The following DAB2IP variants were observed in gnomAD, a reference collection of about 807,000 sequenced individuals.
DAB2IP encodes disabled homolog 2-interacting protein.
A neutral mutation model predicts 107.2 loss-of-function variants in DAB2IP; 28 were observed. The observed-to-expected ratio is 0.26, with a 90% CI of 0.19 to 0.36. The LOEUF (loss-of-function observed/expected upper bound fraction) is 0.36. DAB2IP is among the 10% of genes least tolerant of loss of function. The pLI is 1.00. For missense variants in DAB2IP, 1,400 were observed against 1,644.7 expected (o/e 0.85, Z 2.57); for synonymous variants, 755 against 706.4 (o/e 1.07, Z -1.09).
intron 3 of DAB2IP, among the ~76,000 whole-genome samples, chr9:121,756,506 T>G (rs977626418): frequency 1.3e-5 from 2 of 152,250 alleles, no homozygotes; most frequent in Non-Finnish European, 2.9e-5. Flanking sequence ...CCTGTGGCTT[T>G]CCCTCGTGTG....
At chr9:121,657,878 C>T (rs929446651) in intron 1 of DAB2IP, among the ~76,000 whole-genome samples, 1 of 152,168 alleles carries the variant, frequency 6.6e-6, no homozygotes, top group African/African-American at 2.4e-5. Context: ...GGCTCCAGTA[C>T]CAGGAGCCAA....
At chr9:121,720,848 G>A (rs1481037137) in intron 3 of DAB2IP, among the ~76,000 whole-genome samples, 1 of 152,172 alleles carries the variant, frequency 6.6e-6, no homozygotes, top group Non-Finnish European at 1.5e-5. Context: ...AATTGTCTGT[G>A]TCTGGGGTAA....
rs1035006959 is a variant in DAB2IP, at chr9:121,698,497, A to G, written c.229-828A>G. ...ACCTGTTAGGTGGATAAATGGCGTG[A>G]ATAAGGTTCCCCAAATCTTGAAGCT... On this transcript the variant is annotated intron_variant, in intron 2 of 15. Transcript: ENST00000408936. This position sits in a 1 kb window ranked among gnomAD's most constrained non-coding sequence, Gnocchi z 4.1. Among the ~76,000 whole-genome samples the G allele has an allele frequency of 6.6e-6, 1 of 152,204 alleles. No homozygotes were observed. The highest frequency in any genetic ancestry group is 1.5e-5 in the Non-Finnish European group (1 of 68,028).
At chr9:121,602,865 G>A (rs892199897) in intron 1 of DAB2IP, among the ~76,000 whole-genome samples, 4 of 152,224 alleles carry the variant, frequency 2.6e-5, no homozygotes, top group Admixed American at 1.3e-4. Context: ...GTGAGCCACC[G>A]CGCCTGGCCA....
chr9:121,738,199 T>C (rs1279670373), intron 3 of DAB2IP, among the ~76,000 whole-genome samples: 1 of 152,160 alleles, frequency 6.6e-6, no homozygotes, highest in Non-Finnish European at 1.5e-5. Flanking sequence ...GAACGGGCCT[T>C]GACCCTAGGC....
chr9:121,708,347 T>C (rs1830161620), intron 3 of DAB2IP, among the ~76,000 whole-genome samples: 1 of 152,210 alleles, frequency 6.6e-6, no homozygotes, highest in Non-Finnish European at 1.5e-5. Flanking sequence ...TAGCATGTCA[T>C]GTCCTTTCTC....
rs1031061324 is a variant in DAB2IP, at chr9:121,736,024, A to G, written c.363-20989A>G. Among the ~76,000 whole-genome samples, 12 of 152,130 alleles carry G rather than the reference A, an allele frequency of 7.9e-5. No homozygotes were observed. Among genetic ancestry groups the G allele is most frequent in the African/African-American group, 2.7e-4 (11 of 41,432 alleles). On this transcript the variant is annotated intron_variant, in intron 3 of 15. Transcript: ENST00000408936. The surrounding 1 kb of genome is among the most constrained non-coding windows in gnomAD (Gnocchi z 4.6). ...CTGCCGGACTAGCCGGGTGCTTTCC[A>G]GAAGAGAAAACCCGGGACTGCTGCC...
intron 14 of DAB2IP, 62 bp from the exon 15 acceptor site, chr9:121,781,402 C>T: frequency 6.5e-7 from 1 of 1,546,296 alleles, no homozygotes; most frequent in South Asian, 1.1e-5. Context: ...GGCTTGTTCT[C>T]ACACCCTCCC....
Position 121,701,149 on chromosome 9 carries a change from C to G in DAB2IP, c.362+1691C>G, listed in dbSNP as rs1829761211. Among the ~76,000 whole-genome samples, 1 of 152,214 alleles carries G rather than the reference C, an allele frequency of 6.6e-6. No individual in the cohort carries two copies. Among genetic ancestry groups the G allele is most frequent in the African/African-American group, 2.4e-5 (1 of 41,464 alleles). On this transcript the variant is annotated intron_variant, in intron 3 of 15. Coordinates refer to ENST00000408936, the Ensembl canonical transcript of DAB2IP. The surrounding 1 kb of genome is among the most constrained non-coding windows in gnomAD (Gnocchi z 4.7). ...CGTTTTGTGTGCATGTGGTGGTTGT[C>G]CGGGGAGCAGGAGAGACAACAGGCA...
At chr9:121,667,600 C>A (rs1487452836) in intron 1 of DAB2IP, among the ~76,000 whole-genome samples, 1 of 152,118 alleles carries the variant, frequency 6.6e-6, no homozygotes, top group Non-Finnish European at 1.5e-5. Context: ...AAATGATTCT[C>A]CTGCCTCAGC....
At position 121,634,139 on chromosome 9, in the gene DAB2IP, C is replaced by T. The variant is rs1217769477; in HGVS notation, c.41-44539C>T. ...AGGGACACAGTTCTTGAAGGGTCCT[C>T]CAGAGACCATGCCATGACTTGCATT... On this transcript the variant is annotated intron_variant, in intron 1 of 16. Transcript: ENST00000259371. This position sits in a 1 kb window ranked among gnomAD's most constrained non-coding sequence, Gnocchi z 4.7. 1.3e-5 allele frequency among the ~76,000 whole-genome samples: 2 copies of T among 152,152 alleles called. No homozygotes were observed. The highest frequency in any genetic ancestry group is 4.8e-5 in the African/African-American group (2 of 41,434).
upstream of DAB2IP, among the ~76,000 whole-genome samples, chr9:121,647,793 G>GTATATATACCCATATATACACA (rs1832588301): frequency 1.3e-5 from 2 of 148,986 alleles, no homozygotes; most frequent in African/African-American, 2.5e-5. Flanking sequence ...ACATATATAC[G>GTATATATACCCATATATACACA]TATATATACC....
At chr9:121,722,738 G>T (rs1414707844) in intron 3 of DAB2IP, among the ~76,000 whole-genome samples, 1 of 152,170 alleles carries the variant, frequency 6.6e-6, no homozygotes, top group African/African-American at 2.4e-5. Flanking sequence ...CTACCTGGGA[G>T]GCTGAGGCAG....
intron 2 of DAB2IP, among the ~76,000 whole-genome samples, chr9:121,696,455 A>G (rs1252269323): frequency 6.6e-6 from 1 of 152,170 alleles, no homozygotes; most frequent in East Asian, 1.9e-4. Context: ...CCCTCTTCCC[A>G]AGTTAGGGGC....
intron 6 of DAB2IP, among the ~76,000 whole-genome samples, chr9:121,762,456 T>C (rs1326084987): frequency 6.6e-6 from 1 of 152,132 alleles, no homozygotes; most frequent in African/African-American, 2.4e-5. Flanking sequence ...GAAGGGGTCC[T>C]CAGGCCACAT....
intron 2 of DAB2IP, among the ~76,000 whole-genome samples, chr9:121,680,332 A>T (rs918829281): frequency 3.3e-5 from 5 of 152,210 alleles, no homozygotes; most frequent in African/African-American, 1.2e-4. Flanking sequence ...ATTTCAGTCC[A>T]CTGGGCCAGG....
chr9:121,717,416 G>A (rs1297639616), intron 3 of DAB2IP, among the ~76,000 whole-genome samples: 2 of 152,234 alleles, frequency 1.3e-5, no homozygotes, highest in African/African-American at 4.8e-5. Context: ...CCTTTTCGGT[G>A]CAGTTTTACA....
At chr9:121,625,665 CTT>C (rs71826972) in intron 1 of DAB2IP, among the ~76,000 whole-genome samples, 4 of 141,336 alleles carry the variant, frequency 2.8e-5, no homozygotes, top group African/African-American at 5.2e-5. Context: ...GGGCTTTCTG[CTT>C]TTTTTTTTTT....
At chr9:121,739,775 A>C (rs906173332) in intron 3 of DAB2IP, among the ~76,000 whole-genome samples, 1 of 152,196 alleles carries the variant, frequency 6.6e-6, no homozygotes. Flanking sequence ...CTGGGGATGC[A>C]CTTAGGAGTC....
Sources: gnomAD v4.1 joint callset for allele counts (sites outside exome capture counted in the v4.1 genomes callset) on GRCh38, gnomAD v4.1.1 for gene constraint, Gnocchi (gnomAD v3.1) non-coding constraint, MANE v1.5 for transcripts, NCBI Gene and HGNC (gene_info 2026-07-23, HGNC 2026-07-21) for gene names.